The following TOX4 variants were observed in gnomAD, a reference collection of about 807,000 sequenced individuals.
TOX4 encodes epidermal Langerhans cell protein LCP1.
Under a neutral mutation model 61.0 loss-of-function variants are expected in TOX4, and 12 were observed. The observed-to-expected ratio is 0.20, with a 90% confidence interval of 0.13 to 0.32. The LOEUF is 0.32. TOX4 is among the 10% of genes least tolerant of loss of function. The probability of loss-of-function intolerance (pLI) is 1.00; values close to 1 mark genes in which losing one functional copy is unlikely to be tolerated. For missense variants in TOX4, 499 were observed against 753.3 expected (o/e 0.66, Z 3.95); for synonymous variants, 268 against 274.8 (o/e 0.98, Z 0.24).
Position 21,488,749 on chromosome 14 carries a change from G to A in TOX4, c.478G>A (p.Gly160Ser). 6.2e-7 allele frequency: 1 copy of A among 1,614,172 alleles called. No individual in the cohort carries two copies. Among genetic ancestry groups the A allele is most frequent in the Non-Finnish European group, 8.5e-7 (1 of 1,180,034 alleles). Residue 160 changes from glycine to serine, a missense_variant, in exon 4 of 9, where the codon GGC (glycine) becomes AGC (serine). Around this residue, in one of 7 missense-constraint regions of TOX4, gnomAD observed 61 missense variants for 76.1 expected, o/e 0.80. Transcript: ENST00000448790. ...CCAGCTGGGTTTGAGCCTAGGGGGT[G>A]GCACCATCCTGCCACCTGCCCAGTC... is the stretch of plus-strand genomic sequence containing the variant. Reference protein sequence around the residue: ...SSQLGLSLGGGTILPPAQSPE... With the variant: ...SSQLGLSLGGSTILPPAQSPE...
At chr14:21,492,112 A>G in intron 5 of TOX4, 184 bp from the exon 6 acceptor site, 1 of 587,360 alleles carries the variant, frequency 1.7e-6, no homozygotes. Context: ...AGGTATGCTC[A>G]GTGGAGTGAG....
chr14:21,491,928 A>T (rs1891299245), intron 5 of TOX4, among the ~76,000 whole-genome samples: 1 of 151,780 alleles, frequency 6.6e-6, no homozygotes, highest in African/African-American at 2.4e-5. Flanking sequence ...GGAGAATGGC[A>T]TGAACCTGGG....
chr14:21,487,767 C>T, intron 3 of TOX4, 74 bp downstream of exon 3: 1 of 1,496,086 alleles, frequency 6.7e-7, no homozygotes, highest in South Asian at 1.4e-5. Context: ...TTACTCTATT[C>T]CCTGCTACAC....
Position 21,498,375 on chromosome 14 carries a change from A to G in TOX4, c.*1769A>G. On this transcript the variant is annotated 3_prime_UTR_variant, in exon 9 of 9. Transcript: ENST00000448790. ...GTTGGTTTCCAAGGGTGATCCTGAA[A>G]CAGTGTAAAAGGAGGGGCAAACCAG... 6.2e-7 allele frequency: 1 copy of G among 1,614,116 alleles called. No homozygotes were observed. The highest frequency in any genetic ancestry group is 8.5e-7 in the Non-Finnish European group (1 of 1,180,006).
chr14:21,498,234 T>G lies in TOX4; in HGVS notation c.*1628T>G, dbSNP rs1157108027. ...AGCTTACAGAGCCATGGCTATGGATTCTTAGCTCTGTAAGGAAGTGCTTCT... is the reference window on the plus strand; with the variant it reads ...AGCTTACAGAGCCATGGCTATGGATGCTTAGCTCTGTAAGGAAGTGCTTCT... On this transcript the variant is annotated 3_prime_UTR_variant, in exon 9 of 9. Transcript: ENST00000448790. 1.5e-6 allele frequency: 2 copies of G among 1,342,692 alleles called. No homozygotes were observed. The highest frequency in any genetic ancestry group is 2.9e-5 in the African/African-American group (2 of 69,710). 83.2% of individuals were successfully genotyped at this position (1,342,692 alleles called of 1,614,324 possible).
chr14:21,495,351 C>CA lies in TOX4; in HGVS notation c.1766dup (p.Asn589LysfsTer2). 1 of 1,614,120 alleles carries CA rather than the reference C, an allele frequency of 6.2e-7. No individual in the cohort carries two copies. Among genetic ancestry groups the CA allele is most frequent in the Non-Finnish European group, 8.5e-7 (1 of 1,180,002 alleles). ...CTCCCATTGTGAGTAAGGACTGGGA[C>CA]AATGAATACTGCAGCAATGAGTGTG... On this transcript the variant is annotated frameshift_variant, in exon 8 of 9. Coordinates refer to ENST00000448790, the MANE Select transcript of TOX4 (RefSeq NM_014828.4). LOFTEE classifies it high-confidence loss of function.
chr14:21,483,573 A>T (rs1209599552), intron 2 of TOX4, among the ~76,000 whole-genome samples: 1 of 152,026 alleles, frequency 6.6e-6, no homozygotes, highest in African/African-American at 2.4e-5. Context: ...GAACTTTGGG[A>T]GGCCAAGGTG....
At chr14:21,482,622 A>G (rs1454250005) in intron 2 of TOX4, 2 of 461,674 alleles carry the variant, frequency 4.3e-6, no homozygotes, top group Admixed American at 2.5e-5. Context: ...GTAACTGCAT[A>G]TCATGTTCCT....
rs1891209589 is a variant in TOX4 at position 21,487,574 on chromosome 14, T to A, written c.199T>A (p.Ser67Thr). The change falls in exon 3 of 9, where the codon TCT (serine) becomes ACT (threonine). Residue 67 changes from serine to threonine, a missense_variant. Around this residue, in one of 7 missense-constraint regions of TOX4, gnomAD observed 90 missense variants for 109.5 expected, o/e 0.82. Transcript: ENST00000448790. ...CTTTGATGACCTGGCAGACCCTTCCTCTTCACAGGATGGCAGTTTTTCAGC... is the reference window on the plus strand; with the variant it reads ...CTTTGATGACCTGGCAGACCCTTCCACTTCACAGGATGGCAGTTTTTCAGC... Reference protein sequence around the residue: ...GHFDDLADPSSSQDGSFSAQY... With the variant: ...GHFDDLADPSTSQDGSFSAQY... 6.8e-6 allele frequency: 11 copies of A among 1,614,194 alleles called. No individual in the cohort carries two copies. Among genetic ancestry groups the A allele is most frequent in the Non-Finnish European group, 9.3e-6 (11 of 1,180,038 alleles).
intron 2 of TOX4, among the ~76,000 whole-genome samples, chr14:21,483,819 C>T (rs75258240): frequency 0.028 from 4,174 of 149,668 alleles, 208 homozygotes; most frequent in African/African-American, 0.096. Context: ...TGTGTGTGTG[C>T]GCGTGTGAGA....
At chr14:21,495,430 G>A (rs1303632043) in intron 8 of TOX4, 38 bp downstream of exon 8, 1 of 1,584,184 alleles carries the variant, frequency 6.3e-7, no homozygotes, top group East Asian at 2.3e-5. Context: ...TTCAGCTACT[G>A]GTCAATTCTA....
rs1891473319 is a variant in TOX4 at position 21,498,658 on chromosome 14, T to G, written c.*2052T>G. ...GGGAGTATTCTTTGGATAAGCAAAA[T>G]GCTAGCAGCATGTGTTTTAAGCTCT... On this transcript the variant is annotated 3_prime_UTR_variant, in exon 9 of 9. Coordinates refer to ENST00000448790, the MANE Select transcript of TOX4 (RefSeq NM_014828.4). 1 of 499,002 alleles carries G rather than the reference T, an allele frequency of 2.0e-6. No homozygotes were observed. The highest frequency in any genetic ancestry group is 1.9e-5 in the African/African-American group (1 of 52,036). The allele number at this position is 499,002 out of a possible 1,614,324, so 30.9% of individuals were successfully genotyped here.
rs73581422 is a variant in TOX4 at position 21,478,129 on chromosome 14, A to G, written c.75+565A>G. Among the ~76,000 whole-genome samples, 499 of 152,262 alleles carry G rather than the reference A, an allele frequency of 3.3e-3. 2 individuals are homozygous for G. The highest frequency in any genetic ancestry group is 0.012 in the African/African-American group (487 of 41,550). ...TTTTTGTATATTTAGTAGAGATGGC[A>G]GTTTCACCATATTGGCCAGGCTGGT... is the stretch of plus-strand genomic sequence containing the variant. On this transcript the variant is annotated intron_variant, in intron 2 of 8. Coordinates refer to ENST00000448790, the MANE Select transcript of TOX4 (RefSeq NM_014828.4).
intron 2 of TOX4, among the ~76,000 whole-genome samples, chr14:21,482,781 A>G (rs533840850): frequency 6.6e-6 from 1 of 152,278 alleles, no homozygotes; most frequent in South Asian, 2.1e-4. Context: ...TTTTACCCAT[A>G]ATTTTACAGA....
chr14:21,477,519 C>T lies in TOX4; in HGVS notation c.30C>T (p.Tyr10=). ...AGTTTCCCGGAGGAAATGACAATTACCTGACGATCACAGGGCCTTCGCACC... is the reference window on the plus strand; with the variant it reads ...AGTTTCCCGGAGGAAATGACAATTATCTGACGATCACAGGGCCTTCGCACC... MEFPGGNDN[Y]LTITGPSHPF... is the part of the protein sequence containing the mutation. The change falls in exon 2 of 9, where the codon TAC becomes TAT. Residue 10 remains tyrosine, a synonymous_variant. Coordinates refer to ENST00000448790, the MANE Select transcript of TOX4 (RefSeq NM_014828.4). 1 of 1,613,696 alleles carries T rather than the reference C, an allele frequency of 6.2e-7. No homozygotes were observed. Among genetic ancestry groups the T allele is most frequent in the South Asian group, 1.1e-5 (1 of 91,060 alleles).
intron 2 of TOX4, 34 bp from the exon 3 acceptor site, chr14:21,487,417 T>C (rs748345581): frequency 6.2e-7 from 1 of 1,605,128 alleles, no homozygotes; most frequent in Non-Finnish European, 8.5e-7. Flanking sequence ...TCTCCTCTTT[T>C]CACTAATTCT....
Position 21,492,838 on chromosome 14 carries a change from G to A in TOX4, c.1222G>A (p.Ala408Thr). The A allele has an allele frequency of 1.9e-6, 3 of 1,614,002 alleles. No individual in the cohort carries two copies. The highest frequency in any genetic ancestry group is 2.7e-5 in the African/African-American group (2 of 75,018). The change falls in exon 7 of 9, where the codon GCT (alanine) becomes ACT (threonine). Residue 408 changes from alanine (A) to threonine (T), a missense_variant. This residue lies in a region of TOX4 where 296 missense variants were observed against 404.7 expected (regional missense o/e 0.73). Coordinates refer to ENST00000448790, the MANE Select transcript of TOX4 (RefSeq NM_014828.4). ...RGLQLGQTST[A>T]TIQPSQQAQI... ...GCTCCAACTAGGCCAAACCAGTACA[G>A]CTACTATCCAGCCCAGTCAACAAGC...
In TOX4 at chr14:21,498,081, G is replaced by A; in HGVS notation, c.*1475G>A. The stretch of plus-strand genomic sequence containing the variant: ...TCCCATTTCACATATAATACTGAGA[G>A]ATGAGTTGCACAAGATTATACACTG... On this transcript the variant is annotated 3_prime_UTR_variant, in exon 9 of 9. Transcript: ENST00000448790. 1 of 586,062 alleles carries A rather than the reference G, an allele frequency of 1.7e-6. No individual in the cohort carries two copies. The highest frequency in any genetic ancestry group is 3.0e-6 in the Non-Finnish European group (1 of 330,576). The allele number at this position is 586,062 out of a possible 1,614,324, so 36.3% of individuals were successfully genotyped here. A position where few individuals can be genotyped will look rare whatever the true frequency, so the allele number is the denominator to read the frequency against.
At chr14:21,491,434 A>C (rs1312620167) in intron 5 of TOX4, among the ~76,000 whole-genome samples, 1 of 151,948 alleles carries the variant, frequency 6.6e-6, no homozygotes, top group Non-Finnish European at 1.5e-5. Flanking sequence ...ATCTTGGTTG[A>C]CTGCAAGCTC....
Sources: allele counts gnomAD v4.1 joint callset (sites outside exome capture counted in the v4.1 genomes callset), GRCh38; gene constraint gnomAD v4.1.1; regional missense constraint gnomAD v4.1.1; transcripts MANE v1.5; gene names NCBI Gene and HGNC (gene_info 2026-07-23, HGNC 2026-07-21).